CSMD3: variants seen among roughly 807,000 people sequenced by gnomAD.
CSMD3 encodes CUB and sushi domain-containing protein 3.
Under a neutral mutation model 435.2 loss-of-function variants are expected in CSMD3, and 177 were observed. The observed-to-expected ratio is 0.41, with a 90% confidence interval of 0.36 to 0.46. CSMD3 has a LOEUF of 0.46. Among genes scored for constraint, CSMD3 ranks in the 20% least tolerant of loss-of-function variants. The pLI, the probability that CSMD3 is intolerant of heterozygous loss-of-function variation, is 0.34. For synonymous variants in CSMD3, 1,656 were observed against 1,520.5 expected, an observed-to-expected ratio of 1.09 and a Z score of -2.07; for missense variants, 4,265 against 4,504.6, an observed-to-expected ratio of 0.95 and a Z score of 1.52.
intron 17 of CSMD3, among the ~76,000 whole-genome samples, chr8:112,665,684 G>A (rs1473330135): frequency 6.6e-6 from 1 of 152,108 alleles, no homozygotes; most frequent in Admixed American, 6.6e-5. Flanking sequence ...TTTGTAAGTT[G>A]TGATTCAATA....
chr8:112,533,909 C>A (rs188220281), intron 27 of CSMD3, among the ~76,000 whole-genome samples: 2 of 152,018 alleles, frequency 1.3e-5, no homozygotes, highest in Non-Finnish European at 1.5e-5. Context: ...ATATTTGAAT[C>A]ATCTTTTCTG....
chr8:113,426,305 T>C, intron 1 of CSMD3, among the ~76,000 whole-genome samples: 1 of 151,514 alleles, frequency 6.6e-6, no homozygotes, highest in East Asian at 1.9e-4. Context: ...AAATCACTTC[T>C]AAAAATTACA....
At chr8:112,624,539 GC>G (rs1834332028) in intron 22 of CSMD3, among the ~76,000 whole-genome samples, 2 of 152,010 alleles carry the variant, frequency 1.3e-5, no homozygotes, top group Non-Finnish European at 2.9e-5. Context: ...TTTACATCTA[GC>G]TTTGACACTT....
intron 5 of CSMD3, among the ~76,000 whole-genome samples, chr8:113,094,742 T>C (rs1261324417): frequency 3.9e-5 from 6 of 152,168 alleles, no homozygotes; most frequent in Non-Finnish European, 7.4e-5. Flanking sequence ...CCAAGGACAC[T>C]GATCTGATTG....
intron 5 of CSMD3, among the ~76,000 whole-genome samples, chr8:113,048,871 G>A (rs1050636917): frequency 6.6e-5 from 10 of 152,136 alleles, no homozygotes; most frequent in African/African-American, 2.2e-4. Context: ...CTACAAGTCT[G>A]AATATTTTCT....
chr8:112,813,767 C>T (rs1587371343), intron 12 of CSMD3, among the ~76,000 whole-genome samples: 2 of 152,214 alleles, frequency 1.3e-5, no homozygotes, highest in South Asian at 4.1e-4. Context: ...CCAGAAAGCC[C>T]AGCTGGCACC....
At chr8:113,225,929 C>G (rs943178321) in intron 3 of CSMD3, among the ~76,000 whole-genome samples, 5 of 151,420 alleles carry the variant, frequency 3.3e-5, no homozygotes, top group South Asian at 2.1e-4. Flanking sequence ...GCTGTTCCCC[C>G]CTGCTGTCCT....
chr8:112,790,684 C>T (rs930996541), intron 13 of CSMD3, among the ~76,000 whole-genome samples: 4 of 152,072 alleles, frequency 2.6e-5, no homozygotes, highest in Non-Finnish European at 5.9e-5. Context: ...AAGAACAAAC[C>T]TTCAACTCTG....
At chr8:112,398,675 G>C (rs1367050514) in intron 35 of CSMD3, among the ~76,000 whole-genome samples, 1 of 152,186 alleles carries the variant, frequency 6.6e-6, no homozygotes, top group Non-Finnish European at 1.5e-5. Context: ...AGAGCCTGAG[G>C]TTTAAGGCCC....
intron 3 of CSMD3, among the ~76,000 whole-genome samples, chr8:113,229,945 C>T (rs1400197891): frequency 4.0e-5 from 6 of 151,498 alleles, no homozygotes; most frequent in Admixed American, 6.6e-5. Context: ...CCCCATACCA[C>T]GTGAAGAAAG....
intron 5 of CSMD3, among the ~76,000 whole-genome samples, chr8:113,093,387 A>G (rs769630944): frequency 6.6e-6 from 1 of 152,148 alleles, no homozygotes; most frequent in Non-Finnish European, 1.5e-5. Flanking sequence ...ATAGAAAAAG[A>G]TACAAGAAAG....
intron 4 of CSMD3, among the ~76,000 whole-genome samples, chr8:113,106,054 C>A (rs1312574011): frequency 6.6e-6 from 1 of 151,482 alleles, no homozygotes; most frequent in African/African-American, 2.4e-5. Context: ...CACACTATAC[C>A]CCAGACTAAA....
At chr8:113,071,816 C>A (rs1207273875) in intron 5 of CSMD3, among the ~76,000 whole-genome samples, 1 of 151,628 alleles carries the variant, frequency 6.6e-6, no homozygotes, top group Non-Finnish European at 1.5e-5. Context: ...GGATCCATAT[C>A]AATTTTATGA....
At chr8:113,234,638 C>T (rs1041127693) in intron 3 of CSMD3, among the ~76,000 whole-genome samples, 2 of 152,138 alleles carry the variant, frequency 1.3e-5, no homozygotes, top group African/African-American at 2.4e-5. Flanking sequence ...GACCTGAATG[C>T]TTTTCAATTT....
intron 9 of CSMD3, among the ~76,000 whole-genome samples, chr8:112,924,661 C>T (rs1440265839): frequency 1.3e-5 from 2 of 151,674 alleles, no homozygotes; most frequent in Non-Finnish European, 2.9e-5. Context: ...TGCTACTATA[C>T]TAAAGATTAC....
At chr8:112,284,876 T>G (rs548517480) in intron 58 of CSMD3, among the ~76,000 whole-genome samples, 16 of 152,078 alleles carry the variant, frequency 1.1e-4, no homozygotes, top group Admixed American at 5.2e-4. Context: ...ATTTTAAAGT[T>G]CTAGTTTTGC....
intron 22 of CSMD3, among the ~76,000 whole-genome samples, chr8:112,632,326 T>G (rs1310002252): frequency 6.6e-6 from 1 of 151,926 alleles, no homozygotes; most frequent in Non-Finnish European, 1.5e-5. Flanking sequence ...TAATATAGAG[T>G]TATCATTTTT....
chr8:112,254,249 C>G lies in CSMD3; in HGVS notation c.10110+4G>C, dbSNP rs536008575. ...TGCTAAATGGACATAGCTAAAGTAC[C>G]CACTTGAAATCCGAATGTATTGTTC... On this transcript the variant is annotated splice_donor_region_variant and intron_variant, in intron 63 of 70. Coordinates refer to ENST00000297405, the MANE Select transcript of CSMD3 (RefSeq NM_198123.2). The G allele has an allele frequency of 5.6e-6, 9 of 1,608,038 alleles. No individual in the cohort carries two copies. The East Asian group carries it at 1.8e-4, about 32-fold the overall frequency.
intron 59 of CSMD3, among the ~76,000 whole-genome samples, chr8:112,276,286 C>A (rs1289425155): frequency 6.6e-6 from 1 of 152,176 alleles, no homozygotes; most frequent in Non-Finnish European, 1.5e-5. Context: ...GCAGGTACAG[C>A]CTCCCTCTCA....
Sources: allele counts gnomAD v4.1 joint callset (sites outside exome capture counted in the v4.1 genomes callset), GRCh38; gene constraint gnomAD v4.1.1; transcripts MANE v1.5; gene names NCBI Gene and HGNC (gene_info 2026-07-23, HGNC 2026-07-21).